Variants in ZNF385D observed in about 807,000 individuals in gnomAD.
The protein encoded by ZNF385D is zinc finger protein 659.
Under a neutral mutation model 35.8 loss-of-function variants are expected in ZNF385D, and 15 were observed. The ratio of observed to expected loss-of-function variants is 0.42; its 90% CI spans 0.28 to 0.64. The LOEUF (loss-of-function observed/expected upper bound fraction) is 0.64. ZNF385D is among the 30% of genes least tolerant of loss of function. The pLI is 0.23. For synonymous variants in ZNF385D, 212 were observed against 186.8 expected, an observed-to-expected ratio of 1.13 and a Z score of -1.10; for missense variants, 474 against 494.6, an observed-to-expected ratio of 0.96 and a Z score of 0.39.
chr3:21,761,537 T>C (rs1288970441), intron 3 of ZNF385D, among the ~76,000 whole-genome samples: 1 of 152,130 alleles, frequency 6.6e-6, no homozygotes. Flanking sequence ...GAAGTGATAA[T>C]GTGAGAATGA....
chr3:21,835,444 T>G (rs992000931), intron 3 of ZNF385D, among the ~76,000 whole-genome samples: 1 of 151,754 alleles, frequency 6.6e-6, no homozygotes, highest in Admixed American at 6.6e-5. Flanking sequence ...CAATGTTCCC[T>G]GCTGAAATAC....
At chr3:21,908,118 A>G (rs561287604) in intron 3 of ZNF385D, among the ~76,000 whole-genome samples, 2 of 135,654 alleles carry the variant, frequency 1.5e-5, no homozygotes, top group East Asian at 4.1e-4. Flanking sequence ...CTTTCTCTCT[A>G]TATCTATCTA....
intron 3 of ZNF385D, among the ~76,000 whole-genome samples, chr3:21,850,162 A>C (rs552759617): frequency 4.3e-5 from 1 of 23,032 alleles, no homozygotes; most frequent in African/African-American, 6.0e-4. Context: ...TGGATAATAG[A>C]TATAAAAATG....
intron 3 of ZNF385D, among the ~76,000 whole-genome samples, chr3:22,088,390 G>A (rs912375329): frequency 6.6e-6 from 1 of 152,160 alleles, no homozygotes; most frequent in Non-Finnish European, 1.5e-5. Flanking sequence ...ACTCAGTCTG[G>A]TGAGCCACTT....
chr3:22,013,213 C>A (rs1014777891), intron 3 of ZNF385D, among the ~76,000 whole-genome samples: 3 of 151,898 alleles, frequency 2.0e-5, no homozygotes, highest in African/African-American at 7.3e-5. Flanking sequence ...ACATAAAGTG[C>A]AAACCTCTAA....
intron 3 of ZNF385D, among the ~76,000 whole-genome samples, chr3:21,757,353 G>C (rs574763461): frequency 6.6e-6 from 1 of 152,176 alleles, no homozygotes; most frequent in South Asian, 2.1e-4. Flanking sequence ...ATGTTGGCCA[G>C]GCTGGTCTTG....
intron 2 of ZNF385D, among the ~76,000 whole-genome samples, chr3:21,600,882 AT>A (rs199612350): frequency 6.6e-6 from 1 of 151,926 alleles, no homozygotes; most frequent in African/African-American, 2.4e-5. Context: ...TTTAAAAATA[AT>A]AAGTCAAAGG....
chr3:21,886,829 C>G (rs866310669), intron 3 of ZNF385D, among the ~76,000 whole-genome samples: 2 of 152,098 alleles, frequency 1.3e-5, no homozygotes, highest in Non-Finnish European at 2.9e-5. Flanking sequence ...GTTCTCCCTA[C>G]CTAATGACAT....
chr3:21,819,524 G>A (rs1015606577), intron 3 of ZNF385D, among the ~76,000 whole-genome samples: 9 of 150,100 alleles, frequency 6.0e-5, no homozygotes, highest in East Asian at 1.9e-4. Flanking sequence ...GGCTAAAAAT[G>A]TTCTAAATAA....
At chr3:21,487,941 A>G (rs1481500344) in intron 4 of ZNF385D, among the ~76,000 whole-genome samples, 1 of 152,182 alleles carries the variant, frequency 6.6e-6, no homozygotes, top group Non-Finnish European at 1.5e-5. Flanking sequence ...TGTTACTATT[A>G]TAAGAATGTG....
In ZNF385D at chr3:21,448,731, A is replaced by G. The variant is rs909363363; in HGVS notation, c.440-11528T>C. ...ACAGACCTGTTTCTAAGAAGCCAAG[A>G]TTCCCTTTCTATCTCCAGAAACCAC... On this transcript the variant is annotated intron_variant, in intron 4 of 7. Transcript: ENST00000281523. Among the ~76,000 whole-genome samples, 84 of 152,170 alleles carry G rather than the reference A, an allele frequency of 5.5e-4. 3 individuals are homozygous for G. The highest frequency in any genetic ancestry group is 2.1e-4 in the South Asian group (1 of 4,834).
At chr3:21,698,434 T>C (rs1402889852) in intron 1 of ZNF385D, among the ~76,000 whole-genome samples, 1 of 152,036 alleles carries the variant, frequency 6.6e-6, no homozygotes, top group Non-Finnish European at 1.5e-5. Context: ...ATAAAGATAA[T>C]AGACCCTGGG....
At chr3:21,694,379 T>C (rs1026467656) in intron 1 of ZNF385D, among the ~76,000 whole-genome samples, 3 of 152,008 alleles carry the variant, frequency 2.0e-5, no homozygotes, top group African/African-American at 4.8e-5. Context: ...GAAGGGCTCA[T>C]AGGACAAACC....
chr3:22,120,825 G>A (rs1703053909), intron 3 of ZNF385D, among the ~76,000 whole-genome samples: 1 of 152,074 alleles, frequency 6.6e-6, no homozygotes, highest in Non-Finnish European at 1.5e-5. Context: ...ACATTTCATA[G>A]GAACCGAAAC....
At chr3:22,030,255 T>TTA (rs1559316329) in intron 3 of ZNF385D, among the ~76,000 whole-genome samples, 17 of 27,920 alleles carry the variant, frequency 6.1e-4, no homozygotes, top group African/African-American at 2.3e-3. Context: ...ATAAACTCAT[T>TTA]CATATATATA....
At chr3:21,809,107 GA>G (rs1476952738) in intron 3 of ZNF385D, among the ~76,000 whole-genome samples, 1 of 152,070 alleles carries the variant, frequency 6.6e-6, no homozygotes, top group Non-Finnish European at 1.5e-5. Flanking sequence ...CAGGATTTGA[GA>G]AAAGATTCTC....
intron 2 of ZNF385D, among the ~76,000 whole-genome samples, chr3:22,371,915 G>A (rs1223732424): frequency 6.6e-6 from 1 of 151,996 alleles, no homozygotes; most frequent in African/African-American, 2.4e-5. Context: ...GTTTTTTTAA[G>A]TATTTGTTTT....
At chr3:21,432,459 T>C (rs1436889270) in intron 5 of ZNF385D, among the ~76,000 whole-genome samples, 1 of 152,132 alleles carries the variant, frequency 6.6e-6, no homozygotes, top group Admixed American at 6.6e-5. Context: ...AATTATCCAA[T>C]GTTGCTAAAT....
At chr3:21,431,057 C>A (rs960108353) in intron 5 of ZNF385D, 3 of 152,200 alleles carry the variant, frequency 2.0e-5, no homozygotes, top group Admixed American at 6.5e-5. Context: ...CTTTAAGCTC[C>A]AAGTCCTCAG....
Sources: gnomAD v4.1 joint callset for allele counts (sites outside exome capture counted in the v4.1 genomes callset) on GRCh38, gnomAD v4.1.1 for gene constraint, MANE v1.5 for transcripts, NCBI Gene and HGNC (gene_info 2026-07-23, HGNC 2026-07-21) for gene names.